Variants in UBR4 observed in about 807,000 individuals in gnomAD.
UBR4 encodes the protein E3 ubiquitin-protein ligase UBR4.
In UBR4, 124 loss-of-function variants were observed where a neutral mutation model predicts 575.6. That is an observed-to-expected ratio of 0.22 (90% CI 0.19 to 0.25). UBR4 has a LOEUF of 0.25. Among genes scored for constraint, UBR4 ranks in the 10% least tolerant of loss-of-function variants. The pLI is 1.00. For synonymous variants in UBR4, 2,455 were observed against 2,473.7 expected (o/e 0.99, Z 0.22); for missense variants, 4,818 against 6,478.8 (o/e 0.74, Z 8.80).
chr1:19,130,333 A>G (rs915119438), intron 60 of UBR4, among the ~76,000 whole-genome samples: 6 of 152,158 alleles, frequency 3.9e-5, no homozygotes, highest in African/African-American at 1.2e-4. Flanking sequence ...GGAGTTCAAG[A>G]CCAGCCAGGG....
intron 77 of UBR4, 83 bp downstream of exon 77, chr1:19,113,616 T>C (rs2080157047): frequency 6.4e-6 from 10 of 1,573,800 alleles, no homozygotes; most frequent in Non-Finnish European, 8.6e-6. Context: ...GACTGCTAGA[T>C]GAGAGAGCAG....
chr1:19,158,499 T>A (rs1472165298), intron 39 of UBR4, among the ~76,000 whole-genome samples: 2 of 152,090 alleles, frequency 1.3e-5, no homozygotes, highest in African/African-American at 4.8e-5. Flanking sequence ...AGGTTGGAGT[T>A]CAGTGGTGAG....
chr1:19,207,446 T>A (rs902818240), intron 1 of UBR4, among the ~76,000 whole-genome samples: 47 of 152,306 alleles, frequency 3.1e-4, no homozygotes, highest in African/African-American at 1.1e-3. Context: ...CTGACCAGCA[T>A]GGTGAAACCT....
At chr1:19,119,775 TG>T in intron 69 of UBR4, 74 bp from the exon 70 acceptor site, 1 of 1,527,616 alleles carries the variant, frequency 6.5e-7, no homozygotes, top group Non-Finnish European at 8.9e-7. Context: ...ATTGAGGCTC[TG>T]GTACCTCAAT....
rs748929917 is a variant in UBR4 at position 19,170,896 on chromosome 1, C to A, written c.3522-13G>T. On this transcript the variant is annotated splice_polypyrimidine_tract_variant and intron_variant, in intron 25 of 105. Transcript: ENST00000375254. Reference sequence around the variant, plus strand: ...CAGCAAATAGGCTCTGGGGAAAAAACAGGGGGAAAGTGAAGCCATAAGATT... The same window carrying A: ...CAGCAAATAGGCTCTGGGGAAAAAAAAGGGGGAAAGTGAAGCCATAAGATT... The A allele has an allele frequency of 6.1e-5, 99 of 1,613,946 alleles. No individual in the cohort carries two copies. The highest frequency in any genetic ancestry group is 8.1e-5 in the Non-Finnish European group (96 of 1,179,980).
intron 25 of UBR4, 104 bp downstream of exon 25, chr1:19,172,760 A>T: frequency 8.4e-7 from 1 of 1,194,432 alleles, no homozygotes; most frequent in South Asian, 1.4e-5. Flanking sequence ...GGGGAAAAAA[A>T]CCCCTAAGCT....
chr1:19,154,787 G>A (rs1011171782), intron 44 of UBR4, 131 bp downstream of exon 44: 18 of 1,298,740 alleles, frequency 1.4e-5, no homozygotes, highest in African/African-American at 1.2e-4. Flanking sequence ...ATACCTAGCA[G>A]GGGAGAAAAA....
rs925699395 is a variant in UBR4, at chr1:19,185,121, G to A, written c.1916C>T (p.Ala639Val). ...TACCAACTCAGGATCTTTGCGACTC[G>A]CCAGAATGTTGCCCTTCTCACCAGG... ...QAPGEKGNIL[A>V]SRKDPELFLG... Residue 639 changes from alanine to valine, a missense_variant, in exon 15 of 106, where the codon GCG (alanine) becomes GTG (valine). Physicochemically the swap from Ala to Val is moderately conservative, Grantham distance 64 (BLOSUM62 0). Transcript: ENST00000375254. The A allele has an allele frequency of 6.8e-6, 11 of 1,613,996 alleles. No homozygotes were observed. Among genetic ancestry groups the A allele is most frequent in the Admixed American group, 1.7e-5 (1 of 60,008 alleles).
rs766293273 is a variant in UBR4, at chr1:19,078,105, AGG to A, written c.15234-41_15234-40del. 4.4e-6 allele frequency: 7 copies of A among 1,600,014 alleles called. No homozygotes were observed. In the East Asian group the frequency reaches 1.6e-4, roughly 36 times the overall value. On this transcript the variant is annotated intron_variant, in intron 103 of 105. Coordinates refer to ENST00000375254, the MANE Select transcript of UBR4 (RefSeq NM_020765.3). ...TCCAGTTCCATCACATGAAGTCCCTAGGAGGATACTCACAAGGACAGAGCAAG... is the reference window on the plus strand; with the variant it reads ...TCCAGTTCCATCACATGAAGTCCCTAAGGATACTCACAAGGACAGAGCAAG...
At chr1:19,095,770 T>C (rs2077975131) in intron 92 of UBR4, 118 bp from the exon 93 acceptor site, 1 of 878,576 alleles carries the variant, frequency 1.1e-6, no homozygotes. Context: ...CCTCCTGAAA[T>C]GAAGAGGACA....
chr1:19,207,496 G>T (rs547425303), intron 1 of UBR4, among the ~76,000 whole-genome samples: 1 of 152,286 alleles, frequency 6.6e-6, no homozygotes, highest in South Asian at 2.1e-4. Flanking sequence ...GGGTCTGGTG[G>T]CGCACATCTA....
intron 101 of UBR4, 118 bp from the exon 102 acceptor site, chr1:19,084,816 G>A (rs2076849564): frequency 7.1e-6 from 7 of 988,592 alleles, no homozygotes; most frequent in Admixed American, 6.1e-5. Flanking sequence ...GTTTGCAAAC[G>A]GAGACAAGAA....
intron 103 of UBR4, 184 bp from the exon 104 acceptor site, chr1:19,078,250 G>A (rs2076151898): frequency 3.5e-6 from 2 of 564,980 alleles, no homozygotes; most frequent in East Asian, 6.1e-5. Context: ...CTGGGACCCA[G>A]AAGTTTATTG....
Position 19,164,791 on chromosome 1 carries a change from T to C in UBR4, c.4511+8A>G. ...TAGGGAAACACGACAGAAATGTAGT[T>C]GTTCTACCTGTTTTCCCGAACAATG... On this transcript the variant is annotated splice_region_variant and intron_variant, in intron 32 of 105. Transcript: ENST00000375254. 1 of 1,612,872 alleles carries C rather than the reference T, an allele frequency of 6.2e-7. No individual in the cohort carries two copies. The highest frequency in any genetic ancestry group is 8.5e-7 in the Non-Finnish European group (1 of 1,178,854).
At chr1:19,132,587 A>C (rs72651027) in intron 60 of UBR4, among the ~76,000 whole-genome samples, 9,106 of 138,592 alleles carry the variant, frequency 0.066, 426 homozygotes, top group Non-Finnish European at 0.1. Context: ...ATAACAACAA[A>C]AAAAAAGTAA....
Position 19,105,836 on chromosome 1 carries a change from A to C in UBR4, c.12400T>G (p.Phe4134Val), listed in dbSNP as rs143516447. 2,413 of 1,597,208 alleles carry C rather than the reference A, an allele frequency of 1.5e-3. 2 individuals are homozygous for C. The highest frequency in any genetic ancestry group is 1.8e-3 in the Non-Finnish European group (2,170 of 1,173,946). ...CGTGCGGCCTGCGTTGCTGGAGTGA[A>C]AAGCACCTGCAGGACAGGGGAGAGA... ...GHNNWLRQVL[F>V]TPATQAARQA... The change falls in exon 84 of 106, where the codon TTC (phenylalanine) becomes GTC (valine). Residue 4134 changes from phenylalanine to valine, a missense_variant. Coordinates refer to ENST00000375254, the MANE Select transcript of UBR4 (RefSeq NM_020765.3).
chr1:19,147,579 C>G (rs1377959127), intron 51 of UBR4, among the ~76,000 whole-genome samples: 1 of 152,194 alleles, frequency 6.6e-6, no homozygotes, highest in East Asian at 1.9e-4. Context: ...CAGAGGCACT[C>G]CAAGAACTAT....
chr1:19,197,095 T>C, intron 8 of UBR4, 46 bp downstream of exon 8: 1 of 1,601,098 alleles, frequency 6.2e-7, no homozygotes, highest in Non-Finnish European at 8.5e-7. Context: ...TGAAAGTATA[T>C]CTCTGCTTGA....
chr1:19,097,120 G>T (rs1175589770), intron 91 of UBR4, 73 bp downstream of exon 91: 12 of 1,244,766 alleles, frequency 9.6e-6, no homozygotes, highest in Non-Finnish European at 1.3e-5. Flanking sequence ...AACTGAGAAT[G>T]CCCCTAAGTC....
Sources: allele counts gnomAD v4.1 joint callset (sites outside exome capture counted in the v4.1 genomes callset), GRCh38; gene constraint gnomAD v4.1.1; transcripts MANE v1.5; gene names NCBI Gene and HGNC (gene_info 2026-07-23, HGNC 2026-07-21).